The following SSBP2 variants were observed in gnomAD, a reference collection of about 807,000 sequenced individuals.
The protein encoded by SSBP2 is single stranded DNA binding protein 2, also known as single-stranded DNA-binding protein 2.
A neutral mutation model predicts 61.8 loss-of-function variants in SSBP2; 17 were observed. That is an observed-to-expected ratio of 0.28 (90% CI 0.19 to 0.41). The LOEUF (loss-of-function observed/expected upper bound fraction) is 0.41, where lower values mean the gene tolerates loss of function less well. SSBP2 is among the 10% of genes least tolerant of loss of function. The pLI, the probability that SSBP2 is intolerant of heterozygous loss-of-function variation, is 1.00. For synonymous variants in SSBP2, 139 were observed against 141.3 expected (o/e 0.98, Z 0.12); for missense variants, 310 against 458.7 (o/e 0.68, Z 2.96).
chr5:81,560,430 A>C (rs1447310198), intron 4 of SSBP2, among the ~76,000 whole-genome samples: 1 of 152,242 alleles, frequency 6.6e-6, no homozygotes, highest in African/African-American at 2.4e-5. Context: ...TTTCATGCCA[A>C]AACAAGGAAA....
chr5:81,487,490 T>A (rs2154047907), intron 6 of SSBP2, among the ~76,000 whole-genome samples: 1 of 152,264 alleles, frequency 6.6e-6, no homozygotes, highest in South Asian at 2.1e-4. Flanking sequence ...AACCTGCCAT[T>A]ATAATTGGAT....
At chr5:81,736,621 C>T (rs768784481) in intron 1 of SSBP2, among the ~76,000 whole-genome samples, 49 of 152,090 alleles carry the variant, frequency 3.2e-4, no homozygotes, top group Non-Finnish European at 6.2e-4. Context: ...TTCATTTTTG[C>T]TTATCTGTAT....
chr5:81,659,235 C>T (rs1227402002), intron 1 of SSBP2, among the ~76,000 whole-genome samples: 1 of 152,138 alleles, frequency 6.6e-6, no homozygotes, highest in African/African-American at 2.4e-5. Context: ...TGTCTCTGTT[C>T]GTAGATGACA....
chr5:81,741,075 G>A (rs929880373), intron 1 of SSBP2, among the ~76,000 whole-genome samples: 1 of 152,190 alleles, frequency 6.6e-6, no homozygotes, highest in African/African-American at 2.4e-5. Flanking sequence ...AGTGCAGTCA[G>A]AAACCTGAGT....
At chr5:81,460,357 A>G (rs976137171) in intron 10 of SSBP2, among the ~76,000 whole-genome samples, 1 of 152,182 alleles carries the variant, frequency 6.6e-6, no homozygotes, top group Non-Finnish European at 1.5e-5. Flanking sequence ...TCACATATCG[A>G]AGAACTCAAG....
chr5:81,677,362 C>T (rs1306873956), intron 1 of SSBP2, among the ~76,000 whole-genome samples: 1 of 152,114 alleles, frequency 6.6e-6, no homozygotes, highest in Non-Finnish European at 1.5e-5. Context: ...ACTGAAGAGA[C>T]AGGCAGGTAT....
chr5:81,543,044 G>A (rs893903312), intron 4 of SSBP2, among the ~76,000 whole-genome samples: 3 of 151,988 alleles, frequency 2.0e-5, no homozygotes, highest in African/African-American at 7.2e-5. Context: ...TAGTAGAGAC[G>A]GGGTTTCACC....
At chr5:81,590,252 T>A (rs1184999908) in intron 4 of SSBP2, among the ~76,000 whole-genome samples, 1 of 152,086 alleles carries the variant, frequency 6.6e-6, no homozygotes, top group African/African-American at 2.4e-5. Flanking sequence ...ACCTTTCAAA[T>A]CAAATGTGAA....
intron 1 of SSBP2, among the ~76,000 whole-genome samples, chr5:81,674,684 A>C (rs1404878133): frequency 1.3e-5 from 2 of 152,156 alleles, no homozygotes; most frequent in Non-Finnish European, 2.9e-5. Context: ...CTTTTAACCT[A>C]ATCTACCCTA....
intron 4 of SSBP2, among the ~76,000 whole-genome samples, chr5:81,578,803 G>A (rs1774427979): frequency 6.6e-6 from 1 of 151,152 alleles, no homozygotes; most frequent in Non-Finnish European, 1.5e-5. Flanking sequence ...CTAGACTTCT[G>A]TTCTTTAGTA....
At chr5:81,543,392 T>C (rs1771458574) in intron 4 of SSBP2, among the ~76,000 whole-genome samples, 1 of 152,196 alleles carries the variant, frequency 6.6e-6, no homozygotes, top group Non-Finnish European at 1.5e-5. Context: ...TTAAGCAAAT[T>C]AATTCAGGAA....
intron 4 of SSBP2, among the ~76,000 whole-genome samples, chr5:81,583,431 C>T (rs979512645): frequency 6.6e-6 from 1 of 151,874 alleles, no homozygotes; most frequent in Non-Finnish European, 1.5e-5. Flanking sequence ...AGATTGAGAC[C>T]ATCCTGGCTA....
At chr5:81,664,266 G>A (rs1750931159) in intron 1 of SSBP2, among the ~76,000 whole-genome samples, 1 of 151,772 alleles carries the variant, frequency 6.6e-6, no homozygotes, top group South Asian at 2.1e-4. Context: ...GGGACTATGG[G>A]CATTTGCCAC....
chr5:81,606,762 G>A (rs960564261), intron 4 of SSBP2, among the ~76,000 whole-genome samples: 6 of 152,184 alleles, frequency 3.9e-5, no homozygotes, highest in South Asian at 2.1e-4. Context: ...AAAGAAAGGC[G>A]TAGGCCTGTG....
At chr5:81,582,644 A>G in intron 4 of SSBP2, among the ~76,000 whole-genome samples, 1 of 152,114 alleles carries the variant, frequency 6.6e-6, no homozygotes. Flanking sequence ...CGCAGGATGG[A>G]GTGCAGTGGT....
At chr5:81,465,129 A>G (rs1764801990) in intron 9 of SSBP2, among the ~76,000 whole-genome samples, 1 of 152,038 alleles carries the variant, frequency 6.6e-6, no homozygotes, top group Non-Finnish European at 1.5e-5. Context: ...TGATTTTTAG[A>G]AAACTAAAAA....
At chr5:81,751,663 C>G (rs1318805702), upstream of SSBP2, 2 of 154,688 alleles carry the variant, frequency 1.3e-5, no homozygotes, top group African/African-American at 4.8e-5. Flanking sequence ...CGCGCCGGTA[C>G]CCACGATTGA....
chr5:81,568,297 C>T (rs1408073033), intron 4 of SSBP2, among the ~76,000 whole-genome samples: 1 of 152,150 alleles, frequency 6.6e-6, no homozygotes, highest in Admixed American at 6.5e-5. Context: ...GAATAAGCCT[C>T]AAGAGATCTG....
At chr5:81,588,043 C>T (rs1446530901) in intron 4 of SSBP2, among the ~76,000 whole-genome samples, 1 of 152,154 alleles carries the variant, frequency 6.6e-6, no homozygotes, top group Non-Finnish European at 1.5e-5. Flanking sequence ...CAGTTCACTG[C>T]AGTCTCAACA....
Sources: allele counts gnomAD v4.1 joint callset (sites outside exome capture counted in the v4.1 genomes callset), GRCh38; gene constraint gnomAD v4.1.1; transcripts MANE v1.5; gene names NCBI Gene and HGNC (gene_info 2026-07-23, HGNC 2026-07-21).